Variants in TIAM1 observed in about 807,000 individuals in gnomAD.
The protein encoded by TIAM1 is TIAM Rac1 associated GEF 1, also known as rho guanine nucleotide exchange factor TIAM1.
A neutral mutation model predicts 163.5 loss-of-function variants in TIAM1; 65 were observed. That is an observed-to-expected ratio of 0.40 (90% CI 0.33 to 0.49). TIAM1 has a LOEUF of 0.49. TIAM1 is among the 20% of genes least tolerant of loss of function. TIAM1 has a pLI of 0.77. For missense variants in TIAM1, 1,789 were observed against 2,044.7 expected, an observed-to-expected ratio of 0.87 and a Z score of 2.41; for synonymous variants, 833 against 810.1, an observed-to-expected ratio of 1.03 and a Z score of -0.48.
At chr21:31,444,829 T>A (rs1460970302) in intron 2 of TIAM1, among the ~76,000 whole-genome samples, 1 of 152,068 alleles carries the variant, frequency 6.6e-6, no homozygotes, top group African/African-American at 2.4e-5. Flanking sequence ...TGAAACCCCA[T>A]CTATACTAAA....
chr21:31,496,660 T>C (rs1173203882), intron 1 of TIAM1, among the ~76,000 whole-genome samples: 1 of 152,086 alleles, frequency 6.6e-6, no homozygotes, highest in Non-Finnish European at 1.5e-5. Flanking sequence ...CCAATATTTA[T>C]AGTCTATTTT....
intron 2 of TIAM1, among the ~76,000 whole-genome samples, chr21:31,457,730 A>G (rs541697627): frequency 6.6e-6 from 1 of 152,346 alleles, no homozygotes; most frequent in Admixed American, 6.5e-5. Flanking sequence ...ATAATGGTGG[A>G]ACCTTGGGTA....
At chr21:31,299,026 G>A (rs1054955157) in intron 2 of TIAM1, among the ~76,000 whole-genome samples, 7 of 152,126 alleles carry the variant, frequency 4.6e-5, no homozygotes, top group African/African-American at 1.7e-4. Context: ...TAGATTTGGA[G>A]TTTAATATAC....
In TIAM1 at chr21:31,244,006, G is replaced by A. The variant is rs573747714; in HGVS notation, c.1584+1482C>T. On this transcript the variant is annotated intron_variant, in intron 6 of 27. Coordinates refer to ENST00000541036, the MANE Select transcript of TIAM1 (RefSeq NM_001353694.2). ...TTGTGAGTGGGGTGGGGTTGGGGAA[G>A]GTGGCTTAGGTGCCTGAAACTTCTA... Among the ~76,000 whole-genome samples the A allele has an allele frequency of 2.0e-5, 3 of 152,330 alleles. No homozygotes were observed. The South Asian group carries it at 6.2e-4, about 32-fold the overall frequency.
chr21:31,295,363 A>G (rs765038369), intron 2 of TIAM1, among the ~76,000 whole-genome samples: 14 of 149,422 alleles, frequency 9.4e-5, no homozygotes, highest in East Asian at 2.1e-4. Flanking sequence ...CCAACTACTC[A>G]GGAGGCTGAG....
intron 2 of TIAM1, among the ~76,000 whole-genome samples, chr21:31,289,713 T>C (rs1204931515): frequency 6.6e-6 from 1 of 152,172 alleles, no homozygotes; most frequent in African/African-American, 2.4e-5. Flanking sequence ...CTAAAAATCA[T>C]AAGAGGATAA....
At chr21:31,467,150 A>G (rs2045562852) in intron 1 of TIAM1, among the ~76,000 whole-genome samples, 1 of 152,200 alleles carries the variant, frequency 6.6e-6, no homozygotes, top group East Asian at 1.9e-4. Context: ...CAACATAGCA[A>G]GACCCCATCT....
intron 8 of TIAM1, among the ~76,000 whole-genome samples, chr21:31,218,231 T>C (rs927786527): frequency 2.0e-5 from 3 of 152,196 alleles, no homozygotes; most frequent in South Asian, 2.1e-4. Flanking sequence ...CGAGTGATCA[T>C]TGGCCCCCAA....
upstream of TIAM1, among the ~76,000 whole-genome samples, chr21:31,346,237 C>T (rs2076145567): frequency 1.3e-5 from 2 of 152,126 alleles, no homozygotes; most frequent in Non-Finnish European, 2.9e-5. Context: ...TTCACTATCA[C>T]CTGTCATTTA....
chr21:31,429,537 G>A (rs1209756021), intron 2 of TIAM1, among the ~76,000 whole-genome samples: 1 of 152,202 alleles, frequency 6.6e-6, no homozygotes, highest in Non-Finnish European at 1.5e-5. Context: ...TGCCACTGTA[G>A]CTAAGTGGGA....
chr21:31,360,053 G>T (rs2076383486), intron 2 of TIAM1, among the ~76,000 whole-genome samples: 1 of 152,026 alleles, frequency 6.6e-6, no homozygotes, highest in Non-Finnish European at 1.5e-5. Flanking sequence ...AGTGGAACTG[G>T]AAAGCCAAAG....
chr21:31,517,747 T>C (rs901262298), intron 1 of TIAM1, among the ~76,000 whole-genome samples: 1 of 152,082 alleles, frequency 6.6e-6, no homozygotes, highest in Non-Finnish European at 1.5e-5. Flanking sequence ...AAGCCAGAAA[T>C]AAAACCATGC....
chr21:31,494,769 G>A (rs935492126), intron 1 of TIAM1, among the ~76,000 whole-genome samples: 16 of 152,114 alleles, frequency 1.1e-4, no homozygotes, highest in East Asian at 7.7e-4. Context: ...CTTGAACCTC[G>A]GAGGCAGAGA....
chr21:31,150,368 C>T (rs2083320374), intron 19 of TIAM1, among the ~76,000 whole-genome samples: 1 of 152,120 alleles, frequency 6.6e-6, no homozygotes, highest in Admixed American at 6.6e-5. Flanking sequence ...CCTAACATTA[C>T]ACAGCTAGAT....
chr21:31,254,725 T>A (rs1193191510), intron 4 of TIAM1, among the ~76,000 whole-genome samples: 1 of 152,002 alleles, frequency 6.6e-6, no homozygotes, highest in Admixed American at 6.6e-5. Context: ...AACAAACAAA[T>A]CAATCCCATG....
intron 2 of TIAM1, among the ~76,000 whole-genome samples, chr21:31,300,560 G>C (rs1255708363): frequency 1.3e-5 from 2 of 152,186 alleles, no homozygotes; most frequent in Non-Finnish European, 2.9e-5. Flanking sequence ...AAACGTCAAG[G>C]ATAAGAAGTG....
chr21:31,136,049 C>A lies in TIAM1; in HGVS notation c.3775-8G>T. On this transcript the variant is annotated splice_region_variant and splice_polypyrimidine_tract_variant and intron_variant, in intron 22 of 27. Transcript: ENST00000541036. ...CATGCTCAGATCTGCAACCTGAAAG[C>A]CAGAGACGTGACAAAGCTTACTGGG... 6.2e-7 allele frequency: 1 copy of A among 1,610,424 alleles called. No individual in the cohort carries two copies. Among genetic ancestry groups the A allele is most frequent in the Non-Finnish European group, 8.5e-7 (1 of 1,177,204 alleles).
intron 2 of TIAM1, among the ~76,000 whole-genome samples, chr21:31,314,927 T>C (rs1277629120): frequency 2.0e-5 from 3 of 152,218 alleles, no homozygotes; most frequent in Admixed American, 6.5e-5. Flanking sequence ...TACCTGCATT[T>C]GTATAAAGAG....
In TIAM1 at chr21:31,219,450, T is replaced by C. The variant is rs117906965; in HGVS notation, c.1996-1751A>G. Among the ~76,000 whole-genome samples, 1,204 of 152,296 alleles carry C rather than the reference T, an allele frequency of 7.9e-3. 7 individuals are homozygous for C. The highest frequency in any genetic ancestry group is 0.013 in the Non-Finnish European group (900 of 68,028). ...CAACTCCCAATGTGACAGATGCCAATTGGCAGCAATGCAGGGGATGAGGCA... is the reference window on the plus strand; with the variant it reads ...CAACTCCCAATGTGACAGATGCCAACTGGCAGCAATGCAGGGGATGAGGCA... On this transcript the variant is annotated intron_variant, in intron 8 of 27. Transcript: ENST00000541036.
Sources: gnomAD v4.1 joint callset for allele counts (sites outside exome capture counted in the v4.1 genomes callset) on GRCh38, gnomAD v4.1.1 for gene constraint, MANE v1.5 for transcripts, NCBI Gene and HGNC (gene_info 2026-07-23, HGNC 2026-07-21) for gene names.